CELF2: variants seen among roughly 807,000 people sequenced by gnomAD.
CELF2 encodes the protein CUGBP Elav-like family member 2, also known as CUG triplet repeat RNA-binding protein 2.
In CELF2, 8 loss-of-function variants were observed where a neutral mutation model predicts 62.6. That is an observed-to-expected ratio of 0.13 (90% CI 0.07 to 0.23). CELF2 has a LOEUF of 0.23. Among genes scored for constraint, CELF2 ranks in the 10% least tolerant of loss-of-function variants. The pLI, the probability that CELF2 is intolerant of heterozygous loss-of-function variation, is 1.00. For synonymous variants in CELF2, 258 were observed against 250.0 expected, an observed-to-expected ratio of 1.03 and a Z score of -0.30; for missense variants, 333 against 671.0, an observed-to-expected ratio of 0.50 and a Z score of 5.56.
In CELF2 at chr10:11,207,689, G is replaced by A. The variant is rs186762199; in HGVS notation, c.272-9736G>A. ...CGTGGAGTCCACATAACTCACATAC[G>A]GAAGGCCCGATGGCAGCATCGCCCG... On this transcript the variant is annotated intron_variant, in intron 2 of 12. Coordinates refer to ENST00000633077, the MANE Select transcript of CELF2 (RefSeq NM_001326342.2). This position sits in a 1 kb window ranked among gnomAD's most constrained non-coding sequence, Gnocchi z 4.1. Among the ~76,000 whole-genome samples the A allele has an allele frequency of 9.7e-4, 148 of 152,352 alleles. No individual in the cohort carries two copies. The highest frequency in any genetic ancestry group is 1.6e-3 in the Non-Finnish European group (110 of 68,032).
At position 11,331,229 on chromosome 10, in the gene CELF2, G is replaced by A. The variant is rs2096007687; in HGVS notation, c.*2176G>A. 1 of 149,598 alleles carries A rather than the reference G, an allele frequency of 6.7e-6. No individual in the cohort carries two copies. The highest frequency in any genetic ancestry group is 1.5e-5 in the Non-Finnish European group (1 of 67,712). The allele number at this position is 149,598 out of a possible 1,614,324, so 9.3% of individuals were successfully genotyped here. A position where few individuals can be genotyped will look rare whatever the true frequency, so the allele number is the denominator to read the frequency against. On this transcript the variant is annotated 3_prime_UTR_variant, in exon 13 of 13. Transcript: ENST00000633077. ...GTGAATTAAGTTGTGGTTTCATCAT[G>A]AGTCTTAATGTTCTTTGTTGATAAG...
At chr10:10,736,396 C>CTTTTT in the CELF2 span, among the ~76,000 whole-genome samples, 1 of 76,014 alleles carries the variant, frequency 1.3e-5, no homozygotes, top group African/African-American at 5.0e-5. Flanking sequence ...TTCTTTCTTT[C>CTTTTT]TTTTTTTTTT....
the CELF2 span, among the ~76,000 whole-genome samples, chr10:10,521,741 T>G: frequency 6.6e-6 from 1 of 152,206 alleles, no homozygotes; most frequent in African/African-American, 2.4e-5. Context: ...TTCCTTGAGT[T>G]GTTAGCTAAA....
At chr10:10,566,609 C>T in the CELF2 span, among the ~76,000 whole-genome samples, 2 of 147,504 alleles carry the variant, frequency 1.4e-5, no homozygotes, top group Admixed American at 6.9e-5. Flanking sequence ...TGATATTCCC[C>T]TTCCTGTGTC....
the CELF2 span, among the ~76,000 whole-genome samples, chr10:10,490,031 A>G: frequency 1.3e-5 from 2 of 152,112 alleles, no homozygotes; most frequent in Non-Finnish European, 2.9e-5. Flanking sequence ...AACCTTTGTT[A>G]TTTATCTGAA....
intron 1 of CELF2, chr10:10,917,932 C>T (rs926254431): frequency 3.9e-5 from 6 of 152,130 alleles, no homozygotes; most frequent in African/African-American, 1.4e-4. Flanking sequence ...CCAGGAGACT[C>T]ATCATATTAA....
intron 1 of CELF2, among the ~76,000 whole-genome samples, chr10:10,910,557 A>C (rs1482264826): frequency 6.6e-6 from 1 of 151,950 alleles, no homozygotes; most frequent in Admixed American, 6.6e-5. Flanking sequence ...TTAGCCAGGC[A>C]TGGTGGCATG....
chr10:10,837,549 T>A (rs993930410), intron 1 of CELF2, among the ~76,000 whole-genome samples: 1 of 152,228 alleles, frequency 6.6e-6, no homozygotes, highest in African/African-American at 2.4e-5. Flanking sequence ...ACTGCTTTTA[T>A]TCATGTATCT....
At chr10:10,890,158 G>T (rs965574755) in intron 1 of CELF2, among the ~76,000 whole-genome samples, 2 of 152,162 alleles carry the variant, frequency 1.3e-5, no homozygotes, top group African/African-American at 4.8e-5. Flanking sequence ...ACAGTAAAAT[G>T]AACAGCCAAA....
chr10:10,628,634 G>A, the CELF2 span, among the ~76,000 whole-genome samples: 3 of 152,098 alleles, frequency 2.0e-5, no homozygotes, highest in South Asian at 6.2e-4. Context: ...CCATTTTTAT[G>A]GCTGCATAGT....
intron 1 of CELF2, among the ~76,000 whole-genome samples, chr10:10,860,741 G>A (rs2060003974): frequency 6.6e-6 from 1 of 152,210 alleles, no homozygotes; most frequent in South Asian, 2.1e-4. Context: ...GATAGGAAAA[G>A]GAAGTGACGT....
intron 4 of CELF2, among the ~76,000 whole-genome samples, chr10:11,252,267 A>G (rs1015747447): frequency 1.3e-5 from 2 of 152,254 alleles, no homozygotes; most frequent in South Asian, 2.1e-4. Context: ...CTCAAAGAGC[A>G]CAAAGATTTC....
At chr10:10,831,421 G>A (rs1305903341) in intron 1 of CELF2, among the ~76,000 whole-genome samples, 1 of 152,216 alleles carries the variant, frequency 6.6e-6, no homozygotes, top group Non-Finnish European at 1.5e-5. Flanking sequence ...TCAACTTCCT[G>A]TGAAGGCCCT....
chr10:10,685,742 C>A, the CELF2 span, among the ~76,000 whole-genome samples: 3 of 152,138 alleles, frequency 2.0e-5, no homozygotes. Flanking sequence ...TGGGTTGAGA[C>A]AAGTGTGAAA....
At chr10:11,167,266 TAAA>T (rs997328532) in intron 2 of CELF2, among the ~76,000 whole-genome samples, 1 of 152,142 alleles carries the variant, frequency 6.6e-6, no homozygotes, top group South Asian at 2.1e-4. Context: ...AGGCTAGAGC[TAAA>T]AAAATTAATA....
At chr10:10,672,284 C>T in the CELF2 span, among the ~76,000 whole-genome samples, 3 of 152,102 alleles carry the variant, frequency 2.0e-5, no homozygotes, top group Non-Finnish European at 4.4e-5. Context: ...TCAAGGTTCC[C>T]GCCATTTGTG....
the CELF2 span, among the ~76,000 whole-genome samples, chr10:10,753,765 T>TA: frequency 6.6e-6 from 1 of 152,198 alleles, no homozygotes; most frequent in South Asian, 2.1e-4. Flanking sequence ...CTTCACCAAT[T>TA]AAAACTAAAG....
At chr10:11,104,111 C>G (rs780810965) in intron 1 of CELF2, among the ~76,000 whole-genome samples, 19 of 152,124 alleles carry the variant, frequency 1.2e-4, no homozygotes, top group Non-Finnish European at 2.2e-4. Flanking sequence ...ACTGCTGTTC[C>G]TATTAAACCA....
At chr10:10,712,224 T>C in the CELF2 span, among the ~76,000 whole-genome samples, 1 of 147,072 alleles carries the variant, frequency 6.8e-6, no homozygotes, top group Non-Finnish European at 1.5e-5. Context: ...TGGCAGGTCA[T>C]CTGAGGCTTA....
Sources: allele counts gnomAD v4.1 joint callset (sites outside exome capture counted in the v4.1 genomes callset), GRCh38; gene constraint gnomAD v4.1.1; non-coding constraint Gnocchi (gnomAD v3.1); transcripts MANE v1.5; gene names NCBI Gene and HGNC (gene_info 2026-07-23, HGNC 2026-07-21).